CATSPERB: variants seen among roughly 807,000 people sequenced by gnomAD.
CATSPERB encodes the protein cation channel sperm-associated auxiliary subunit beta.
CATSPERB carries 93 observed loss-of-function variants against 128.3 expected under a neutral mutation model. That is an observed-to-expected ratio of 0.72 (90% CI 0.61 to 0.86). The LOEUF (loss-of-function observed/expected upper bound fraction) is 0.86. CATSPERB is among the 40% of genes least tolerant of loss of function. CATSPERB has a pLI of 0.00. For missense variants in CATSPERB, 1,153 were observed against 1,329.5 expected (o/e 0.87, Z 2.06); for synonymous variants, 381 against 448.8 (o/e 0.85, Z 1.91).
chr14:91,667,131 C>T (rs1894998445), intron 14 of CATSPERB, among the ~76,000 whole-genome samples: 1 of 152,250 alleles, frequency 6.6e-6, no homozygotes, highest in Non-Finnish European at 1.5e-5. Flanking sequence ...AATGTGTATA[C>T]AGACAGCAAG....
At position 91,592,137 on chromosome 14, in the gene CATSPERB, T is replaced by C. The variant is rs905862811; in HGVS notation, c.2710-135A>G. The C allele has an allele frequency of 5.9e-6, 4 of 676,552 alleles. No homozygotes were observed. In the African/African-American group the frequency reaches 7.3e-5, roughly 12 times the overall value. 41.9% of individuals were successfully genotyped at this position (676,552 alleles called of 1,614,324 possible). A position where few individuals can be genotyped will look rare whatever the true frequency, so the allele number is the denominator to read the frequency against. The stretch of plus-strand genomic sequence containing the variant: ...AAGTTAAAAGGGGAAAGCAATTCAT[T>C]AATAATAAAGTAAGAATAGAAGTAC... On this transcript the variant is annotated intron_variant, in intron 22 of 26. Transcript: ENST00000256343.
chr14:91,669,758 A>C (rs1895052441), intron 14 of CATSPERB, 56 bp downstream of exon 14: 1 of 1,518,220 alleles, frequency 6.6e-7, no homozygotes, highest in African/African-American at 1.4e-5. Flanking sequence ...GCCATGCAGC[A>C]TACAGTAGGT....
At chr14:91,661,533 A>ATATATC (rs1894884981) in intron 14 of CATSPERB, among the ~76,000 whole-genome samples, 1 of 145,786 alleles carries the variant, frequency 6.9e-6, no homozygotes, top group Admixed American at 6.9e-5. Context: ...TCATATATAT[A>ATATATC]TATATATATA....
chr14:91,669,958 G>A lies in CATSPERB; in HGVS notation c.1143C>T (p.Ala381=). ...YLFYNKVRKT[A]IASVSTLRNN... is the part of the protein sequence containing the mutation. ...TTCTCAGGGTGCTCACAGAGGCAAT[G>A]GCAGTTTTCCTGACCTAGGTAAACA... Residue 381 remains alanine, a synonymous_variant, in exon 14 of 27, where the codon GCC becomes GCT. Transcript: ENST00000256343. 1 of 1,612,330 alleles carries A rather than the reference G, an allele frequency of 6.2e-7. No homozygotes were observed. Among genetic ancestry groups the A allele is most frequent in the Non-Finnish European group, 8.5e-7 (1 of 1,179,410 alleles).
In CATSPERB at chr14:91,581,111, C is replaced by T; in HGVS notation, c.3133-4G>A. On this transcript the variant is annotated splice_polypyrimidine_tract_variant and splice_region_variant and intron_variant, in intron 26 of 26. Coordinates refer to ENST00000256343, the MANE Select transcript of CATSPERB (RefSeq NM_024764.4). Reference sequence around the variant, plus strand: ...ATGGTGCCTCATCAACATAAATCTGCAACAGAAAAAGCAAAGTCTTTAAGC... The same window carrying T: ...ATGGTGCCTCATCAACATAAATCTGTAACAGAAAAAGCAAAGTCTTTAAGC... 1 of 1,609,486 alleles carries T rather than the reference C, an allele frequency of 6.2e-7. No individual in the cohort carries two copies. The highest frequency in any genetic ancestry group is 8.5e-7 in the Non-Finnish European group (1 of 1,177,936).
intron 10 of CATSPERB, among the ~76,000 whole-genome samples, chr14:91,684,971 G>A (rs1314988232): frequency 1.3e-5 from 2 of 151,994 alleles, no homozygotes; most frequent in Admixed American, 6.6e-5. Context: ...CTGTCACCCA[G>A]GCTAGAGTGC....
chr14:91,637,625 A>T (rs1356462722), intron 16 of CATSPERB, among the ~76,000 whole-genome samples: 1 of 152,164 alleles, frequency 6.6e-6, no homozygotes, highest in African/African-American at 2.4e-5. Flanking sequence ...TTTCTTCATA[A>T]GTGAAATAGG....
intron 9 of CATSPERB, among the ~76,000 whole-genome samples, chr14:91,692,866 G>A (rs752472268): frequency 9.2e-5 from 14 of 152,236 alleles, no homozygotes; most frequent in Non-Finnish European, 1.9e-4. Context: ...CAATAGGTAG[G>A]TAGACAGATC....
chr14:91,619,861 T>TTGTGTGTGTGTGTGTGTGTGTG (rs55687285), intron 19 of CATSPERB, among the ~76,000 whole-genome samples: 3 of 139,126 alleles, frequency 2.2e-5, no homozygotes, highest in Admixed American at 7.3e-5. Context: ...TGTAATAAAA[T>TTGTGTGTGTGTGTGTGTGTGTG]TGTGTGTGTG....
chr14:91,707,575 CTTT>C (rs539712771), intron 6 of CATSPERB, among the ~76,000 whole-genome samples: 3 of 58,288 alleles, frequency 5.1e-5, no homozygotes, highest in African/African-American at 7.0e-5. Flanking sequence ...TATGTACTTC[CTTT>C]TTTTTTTTTT....
chr14:91,620,891 T>C (rs1894030439), intron 19 of CATSPERB, among the ~76,000 whole-genome samples: 1 of 152,312 alleles, frequency 6.6e-6, no homozygotes. Flanking sequence ...TAAGAGGATC[T>C]GCAGAGTTCA....
chr14:91,608,391 G>C lies in CATSPERB; in HGVS notation c.2612C>G (p.Pro871Arg). Reference sequence around the variant, plus strand: ...AATAGCAATTCCCATATTAGATGGAGGCCTGTAGTTTATCTGCAAGTGATT... The same window carrying C: ...AATAGCAATTCCCATATTAGATGGACGCCTGTAGTTTATCTGCAAGTGATT... ...LIKTLPINYR[P>R]PSNMGIAIPL... is the part of the protein sequence containing the mutation. The change falls in exon 22 of 27, where the codon CCT becomes CGT. Residue 871 changes from proline to arginine, a missense_variant. Pro to Arg is a moderately radical substitution (Grantham distance 103, BLOSUM62 -2). Transcript: ENST00000256343. The C allele has an allele frequency of 6.3e-7, 1 of 1,588,002 alleles. No homozygotes were observed. Among genetic ancestry groups the C allele is most frequent in the South Asian group, 1.1e-5 (1 of 90,102 alleles).
At chr14:91,675,885 A>T (rs979942318) in intron 11 of CATSPERB, among the ~76,000 whole-genome samples, 11 of 152,166 alleles carry the variant, frequency 7.2e-5, no homozygotes, top group Non-Finnish European at 1.3e-4. Flanking sequence ...GGGGGAAAGA[A>T]GCATGTGAAT....
chr14:91,599,045 A>G (rs1440242048), intron 22 of CATSPERB, among the ~76,000 whole-genome samples: 1 of 152,142 alleles, frequency 6.6e-6, no homozygotes, highest in Non-Finnish European at 1.5e-5. Context: ...TTGTCTGTGT[A>G]TCAGACTGAC....
Position 91,708,210 on chromosome 14 carries a change from C to G in CATSPERB, c.397G>C (p.Val133Leu). The G allele has an allele frequency of 6.2e-7, 1 of 1,608,116 alleles. No homozygotes were observed. Among genetic ancestry groups the G allele is most frequent in the South Asian group, 1.1e-5 (1 of 90,178 alleles). The change falls in exon 6 of 27, where the codon GTA (valine) becomes CTA (leucine). Residue 133 changes from valine (V) to leucine (L), a missense_variant. Physicochemically the swap from Val to Leu is conservative, Grantham distance 32. Coordinates refer to ENST00000256343, the MANE Select transcript of CATSPERB (RefSeq NM_024764.4). Reference sequence around the variant, plus strand: ...AGTCCATGATGTAAAGTGATTCTTACTAACCATTCTTCTACAGCTGCAATA... The same window carrying G: ...AGTCCATGATGTAAAGTGATTCTTAGTAACCATTCTTCTACAGCTGCAATA... ...TDIAAVEEWLVRITLHHGLNI... is the reference protein window; with the variant it reads ...TDIAAVEEWLLRITLHHGLNI...
intron 20 of CATSPERB, among the ~76,000 whole-genome samples, chr14:91,613,709 C>CT (rs1478078245): frequency 6.6e-6 from 1 of 152,166 alleles, no homozygotes; most frequent in African/African-American, 2.4e-5. Flanking sequence ...GCTTATCAGG[C>CT]TTATTAGGCC....
chr14:91,710,226 C>G (rs1895815581), intron 5 of CATSPERB: 1 of 152,020 alleles, frequency 6.6e-6, no homozygotes, highest in African/African-American at 2.4e-5. Context: ...CTGTTAAAAC[C>G]TTTGTTATTT....
intron 14 of CATSPERB, among the ~76,000 whole-genome samples, chr14:91,660,993 A>C (rs1045540022): frequency 6.6e-6 from 1 of 152,184 alleles, no homozygotes; most frequent in African/African-American, 2.4e-5. Flanking sequence ...CTGGGCCTGA[A>C]TATTACAAAC....
intron 5 of CATSPERB, among the ~76,000 whole-genome samples, chr14:91,716,712 TACACACACACACACAC>T (rs34934524): frequency 7.3e-6 from 1 of 137,542 alleles, no homozygotes; most frequent in African/African-American, 2.8e-5. Context: ...TTTACAAGCA[TACACACACACACACAC>T]ACACACACAC....
Sources: gnomAD v4.1 joint callset for allele counts (sites outside exome capture counted in the v4.1 genomes callset) on GRCh38, gnomAD v4.1.1 for gene constraint, MANE v1.5 for transcripts, NCBI Gene and HGNC (gene_info 2026-07-23, HGNC 2026-07-21) for gene names.